The following XG variants were observed in gnomAD, a reference collection of about 807,000 sequenced individuals.
XG encodes the protein glycoprotein Xg.
In XG, 24 loss-of-function variants were observed where a neutral mutation model predicts 25.7. The observed-to-expected ratio is 0.93, with a 90% CI of 0.68 to 1.31. The LOEUF is 1.31. XG is among the 40% of genes most tolerant of loss of function. The pLI is 0.00. For synonymous variants in XG, 77 were observed against 69.2 expected (o/e 1.11, Z -0.56); for missense variants, 181 against 187.6 (o/e 0.96, Z 0.21).
intron 3 of XG, among the ~76,000 whole-genome samples, chrX:2,778,851 G>A (rs2534632): frequency 0.3 from 45,138 of 150,272 alleles, 3,844 homozygotes; most frequent in African/African-American, 0.41. Flanking sequence ...TCACCTCCCC[G>A]CAAACTTCTC....
At chrX:2,812,480 C>G (rs1446404857) in intron 10 of XG, among the ~76,000 whole-genome samples, 1 of 111,240 alleles carries the variant, frequency 9.0e-6, no homozygotes, top group Admixed American at 9.6e-5. Flanking sequence ...CCAGGGCCCT[C>G]TAACTCATAC....
At chrX:2,781,277 G>C (rs1002513170) in intron 3 of XG, among the ~76,000 whole-genome samples, 3 of 151,262 alleles carry the variant, frequency 2.0e-5, no homozygotes, top group Non-Finnish European at 1.5e-5. Flanking sequence ...AAGTTTTACT[G>C]GGGGTCTGCA....
At chrX:2,800,644 C>T (rs1000409160) in intron 7 of XG, among the ~76,000 whole-genome samples, 8 of 111,380 alleles carry the variant, frequency 7.2e-5, no homozygotes, top group African/African-American at 2.6e-4. Context: ...AGACAAGCTT[C>T]AGGATGGGAG....
rs954425475 is a variant in XG at position 2,775,983 on chromosome X, G to C, written c.127+1244G>C. On this transcript the variant is annotated intron_variant, in intron 3 of 10. Coordinates refer to ENST00000644266, the MANE Select transcript of XG (RefSeq NM_001141919.2). ...AAAAAAAAAAAAAAAGAAAAGAAAA[G>C]AAAAGAAAAAGAAATAATTCCCGGG... is the stretch of plus-strand genomic sequence containing the variant. Among the ~76,000 whole-genome samples the C allele has an allele frequency of 2.1e-5, 3 of 145,162 alleles. No homozygotes were observed. In the Admixed American group the frequency reaches 2.1e-4, roughly 10 times the overall value.
intron 1 of XG, among the ~76,000 whole-genome samples, chrX:2,760,227 G>A (rs1369821500): frequency 4.6e-5 from 7 of 151,940 alleles, no homozygotes; most frequent in South Asian, 2.1e-4. Context: ...TAGGCCAGGC[G>A]CGTGATGTTG....
chrX:2,812,675 C>G (rs73632935), intron 10 of XG, among the ~76,000 whole-genome samples: 69 of 111,897 alleles, frequency 6.2e-4, no homozygotes, highest in East Asian at 5.1e-3. Flanking sequence ...ACATTACGCC[C>G]CGTCCTGAAA....
chrX:2,759,095 G>A (rs970578634), intron 1 of XG, among the ~76,000 whole-genome samples: 8 of 151,850 alleles, frequency 5.3e-5, no homozygotes, highest in African/African-American at 1.5e-4. Context: ...ATCTATCTGT[G>A]ACATTCTTCT....
chrX:2,767,624 C>A (rs1405164669), intron 1 of XG, among the ~76,000 whole-genome samples: 4 of 152,150 alleles, frequency 2.6e-5, no homozygotes, highest in African/African-American at 9.7e-5. Context: ...CCAGAGTTAG[C>A]GTTGTCTACC....
chrX:2,816,349 A>T lies in XG; in HGVS notation c.*1969A>T, dbSNP rs1242925280. Reference sequence around the variant, plus strand: ...CTGACCCTTGAACAACACAGGGCTGAACTGCACATGTCCACCTGTATGTGA... The same window carrying T: ...CTGACCCTTGAACAACACAGGGCTGTACTGCACATGTCCACCTGTATGTGA... On this transcript the variant is annotated 3_prime_UTR_variant, in exon 11 of 11. Transcript: ENST00000644266. 8.9e-6 allele frequency: 1 copy of T among 112,061 alleles called. No homozygotes were observed. The highest frequency in any genetic ancestry group is 2.8e-4 in the East Asian group (1 of 3,573). The allele number at this position is 112,061 out of a possible 1,213,427, so 9.2% of individuals were successfully genotyped here. A position where few individuals can be genotyped will look rare whatever the true frequency, so the allele number is the denominator to read the frequency against.
intron 5 of XG, among the ~76,000 whole-genome samples, chrX:2,791,571 G>A (rs770746795): frequency 1.8e-5 from 2 of 109,557 alleles, no homozygotes; most frequent in South Asian, 4.0e-4. Context: ...CCCAGGAGGT[G>A]GTTCCTCCCT....
intron 8 of XG, 125 bp from the exon 9 acceptor site, chrX:2,808,060 T>C: frequency 2.7e-6 from 2 of 752,341 alleles, no homozygotes; most frequent in Non-Finnish European, 4.0e-6. Context: ...CCCACAAGAA[T>C]GTAAATTCCC....
chrX:2,754,847 A>G (rs1424450142), intron 1 of XG, among the ~76,000 whole-genome samples: 3 of 152,156 alleles, frequency 2.0e-5, no homozygotes, highest in Non-Finnish European at 4.4e-5. Flanking sequence ...CTTCCAGTCC[A>G]CTGACTCAAA....
At chrX:2,763,514 C>T (rs2050611088) in intron 1 of XG, among the ~76,000 whole-genome samples, 1 of 152,058 alleles carries the variant, frequency 6.6e-6, no homozygotes, top group Admixed American at 6.6e-5. Flanking sequence ...AGGGGACGTG[C>T]TGGAGGAAGT....
At chrX:2,762,455 G>A (rs1440268447) in intron 1 of XG, among the ~76,000 whole-genome samples, 1 of 152,070 alleles carries the variant, frequency 6.6e-6, no homozygotes, top group Non-Finnish European at 1.5e-5. Flanking sequence ...TCATGCACCA[G>A]GGCGGCCTGC....
At chrX:2,777,109 G>A (rs939265875) in intron 3 of XG, among the ~76,000 whole-genome samples, 4 of 152,164 alleles carry the variant, frequency 2.6e-5, no homozygotes, top group African/African-American at 9.7e-5. Context: ...ACCCTGAATA[G>A]CACAGCAGGA....
chrX:2,766,650 C>T (rs1182884941), intron 1 of XG, among the ~76,000 whole-genome samples: 8 of 148,616 alleles, frequency 5.4e-5, no homozygotes, highest in East Asian at 2.0e-4. Flanking sequence ...CTGCAAGCTC[C>T]GCCTCCCGGG....
intron 1 of XG, among the ~76,000 whole-genome samples, chrX:2,758,585 T>G (rs1343316872): frequency 2.0e-5 from 3 of 152,334 alleles, no homozygotes; most frequent in South Asian, 2.1e-4. Context: ...ATACAGGTGC[T>G]GCCATCCAGC....
At chrX:2,773,904 T>C (rs1049536286) in intron 2 of XG, among the ~76,000 whole-genome samples, 3 of 151,830 alleles carry the variant, frequency 2.0e-5, no homozygotes, top group African/African-American at 7.3e-5. Context: ...GAAAAGGTGA[T>C]GAGAAACCTT....
chrX:2,788,759 G>C (rs1162375918), intron 4 of XG, among the ~76,000 whole-genome samples: 4 of 110,416 alleles, frequency 3.6e-5, no homozygotes, highest in African/African-American at 9.9e-5. Flanking sequence ...GGAGGCTGAG[G>C]CAGGAGAATT....
Sources: gnomAD v4.1 joint callset for allele counts (sites outside exome capture counted in the v4.1 genomes callset) on GRCh38, gnomAD v4.1.1 for gene constraint, MANE v1.5 for transcripts, NCBI Gene and HGNC (gene_info 2026-07-23, HGNC 2026-07-21) for gene names.